Variants in CSMD1 observed in about 807,000 individuals in gnomAD.
CSMD1 encodes the protein CUB and Sushi multiple domains 1.
A neutral mutation model predicts 417.5 loss-of-function variants in CSMD1; 213 were observed. The observed-to-expected ratio is 0.51, with a 90% confidence interval of 0.46 to 0.57. CSMD1 has a LOEUF of 0.57. Among genes scored for constraint, CSMD1 ranks in the 20% least tolerant of loss-of-function variants. CSMD1 has a pLI of 0.00. For synonymous variants in CSMD1, 2,862 were observed against 1,736.8 expected, an observed-to-expected ratio of 1.65 and a Z score of -16.11; for missense variants, 6,923 against 4,529.7, an observed-to-expected ratio of 1.53 and a Z score of -15.17.
At chr8:4,451,610 A>G (rs1022372646) in intron 2 of CSMD1, among the ~76,000 whole-genome samples, 23 of 152,318 alleles carry the variant, frequency 1.5e-4, no homozygotes, top group African/African-American at 4.1e-4. Context: ...TTTAGAGGTT[A>G]TATTCAAGAA....
At chr8:3,790,111 T>C (rs1406353089) in intron 5 of CSMD1, among the ~76,000 whole-genome samples, 2 of 152,240 alleles carry the variant, frequency 1.3e-5, no homozygotes, top group Admixed American at 6.5e-5. Flanking sequence ...AAGTGTTAGC[T>C]GCTTATAGTT....
intron 26 of CSMD1, among the ~76,000 whole-genome samples, chr8:3,266,792 A>G (rs1563204077): frequency 6.6e-6 from 1 of 151,688 alleles, no homozygotes; most frequent in South Asian, 2.1e-4. Context: ...ATCAAAAAAA[A>G]AAAAAAAGGA....
At chr8:3,280,382 C>G (rs917350366) in intron 26 of CSMD1, among the ~76,000 whole-genome samples, 1 of 152,180 alleles carries the variant, frequency 6.6e-6, no homozygotes, top group Non-Finnish European at 1.5e-5. Context: ...TAGAAACTCA[C>G]ATTTCCAGAG....
chr8:4,285,102 A>C (rs1563388878), intron 3 of CSMD1, among the ~76,000 whole-genome samples: 2 of 152,218 alleles, frequency 1.3e-5, no homozygotes, highest in Admixed American at 1.3e-4. Flanking sequence ...TGCTATTATT[A>C]TGAATGCTAA....
At chr8:3,790,239 A>G (rs1387945523) in intron 5 of CSMD1, among the ~76,000 whole-genome samples, 1 of 152,234 alleles carries the variant, frequency 6.6e-6, no homozygotes, top group Admixed American at 6.5e-5. Context: ...TTATCAGGGA[A>G]GAGTGCATTA....
intron 2 of CSMD1, among the ~76,000 whole-genome samples, chr8:4,499,712 G>C (rs1417713689): frequency 1.3e-5 from 2 of 152,210 alleles, no homozygotes; most frequent in Non-Finnish European, 2.9e-5. Context: ...TGAAGTTAAA[G>C]TGAAGTTGAT....
At chr8:4,206,684 C>G (rs1800001254) in intron 3 of CSMD1, among the ~76,000 whole-genome samples, 1 of 152,120 alleles carries the variant, frequency 6.6e-6, no homozygotes, top group South Asian at 2.1e-4. Flanking sequence ...ATCTAAAATC[C>G]TTTGGGTATA....
intron 6 of CSMD1, among the ~76,000 whole-genome samples, chr8:3,750,094 G>T (rs1273984725): frequency 2.0e-5 from 3 of 152,126 alleles, no homozygotes; most frequent in Admixed American, 6.6e-5. Context: ...AGTTGCTTTG[G>T]GCTGGGGAGG....
chr8:4,008,273 T>C (rs911091297), intron 4 of CSMD1, among the ~76,000 whole-genome samples: 1 of 152,140 alleles, frequency 6.6e-6, no homozygotes, highest in Non-Finnish European at 1.5e-5. Flanking sequence ...TGTATTAAAA[T>C]ATGTAATTAT....
intron 7 of CSMD1, among the ~76,000 whole-genome samples, chr8:3,657,593 G>C (rs1201120506): frequency 6.6e-6 from 1 of 152,042 alleles, no homozygotes; most frequent in Middle Eastern, 3.2e-3. Context: ...ACTAACTCAA[G>C]AACAAAAAAC....
chr8:3,744,190 G>T lies in CSMD1; in HGVS notation c.931+9740C>A, dbSNP rs552218379. 9.8e-5 allele frequency among the ~76,000 whole-genome samples: 15 copies of T among 152,322 alleles called. No individual in the cohort carries two copies. In the East Asian group the frequency reaches 2.7e-3, roughly 27 times the overall value. Reference sequence around the variant, plus strand: ...GGGCATGGAAGGTCTGGCGGGAGTGGGAGTTGAGGACAGGGATGACGTGTT... The same window carrying T: ...GGGCATGGAAGGTCTGGCGGGAGTGTGAGTTGAGGACAGGGATGACGTGTT... On this transcript the variant is annotated intron_variant, in intron 6 of 69. Transcript: ENST00000635120.
At chr8:3,120,770 C>A (rs1817158664) in intron 41 of CSMD1, among the ~76,000 whole-genome samples, 1 of 151,960 alleles carries the variant, frequency 6.6e-6, no homozygotes, top group African/African-American at 2.4e-5. Flanking sequence ...TCGCTTAAAC[C>A]CAGGAGCAGA....
At chr8:3,031,012 T>C (rs973565311) in intron 50 of CSMD1, among the ~76,000 whole-genome samples, 1 of 152,002 alleles carries the variant, frequency 6.6e-6, no homozygotes, top group Non-Finnish European at 1.5e-5. Context: ...AAGTATTTTT[T>C]TAGGTTGAAG....
chr8:4,807,309 C>A (rs1353909489), intron 1 of CSMD1, among the ~76,000 whole-genome samples: 2 of 152,158 alleles, frequency 1.3e-5, no homozygotes, highest in Non-Finnish European at 2.9e-5. Flanking sequence ...CAGGCCTCGG[C>A]TAATTTCCAA....
chr8:3,370,269 G>T (rs1034542793), intron 18 of CSMD1, among the ~76,000 whole-genome samples: 1 of 152,140 alleles, frequency 6.6e-6, no homozygotes, highest in Non-Finnish European at 1.5e-5. Flanking sequence ...TCCTATGAAT[G>T]GAAGCACTGA....
intron 3 of CSMD1, among the ~76,000 whole-genome samples, chr8:4,072,074 G>C (rs938940925): frequency 6.6e-6 from 1 of 152,168 alleles, no homozygotes; most frequent in Non-Finnish European, 1.5e-5. Context: ...CACCAGCACT[G>C]ACATGCTTGA....
chr8:3,046,776 T>C (rs979382876), intron 50 of CSMD1, among the ~76,000 whole-genome samples: 1 of 152,368 alleles, frequency 6.6e-6, no homozygotes, highest in East Asian at 1.9e-4. Context: ...CAGCCACATC[T>C]GTGTGCTCAC....
At chr8:4,390,510 T>TTTATTTATTTATTTA (rs1464263680) in intron 3 of CSMD1, among the ~76,000 whole-genome samples, 2 of 147,950 alleles carry the variant, frequency 1.4e-5, no homozygotes, top group Non-Finnish European at 3.0e-5. Flanking sequence ...TATTTATTTA[T>TTTATTTATTTATTTA]TTATTTATTT....
chr8:3,857,002 T>G (rs1283604743), intron 5 of CSMD1, among the ~76,000 whole-genome samples: 5 of 152,196 alleles, frequency 3.3e-5, no homozygotes, highest in Non-Finnish European at 1.5e-5. Flanking sequence ...AGAGAAATTT[T>G]TGTAATGGCA....
Sources: gnomAD v4.1 joint callset for allele counts (sites outside exome capture counted in the v4.1 genomes callset) on GRCh38, gnomAD v4.1.1 for gene constraint, MANE v1.5 for transcripts, NCBI Gene and HGNC (gene_info 2026-07-23, HGNC 2026-07-21) for gene names.